The following WBP1L variants were observed in gnomAD, a reference collection of about 807,000 sequenced individuals.
WBP1L encodes the protein WW domain binding protein 1-like.
Under a neutral mutation model 33.7 loss-of-function variants are expected in WBP1L, and 17 were observed. That is an observed-to-expected ratio of 0.50 (90% CI 0.34 to 0.76). WBP1L has a LOEUF of 0.76. Ranked by LOEUF, WBP1L falls within the 30% of genes least tolerant of loss-of-function variation. WBP1L has a pLI of 0.01. For synonymous variants in WBP1L, 173 were observed against 190.8 expected, an observed-to-expected ratio of 0.91 and a Z score of 0.77; for missense variants, 389 against 469.4, an observed-to-expected ratio of 0.83 and a Z score of 1.58.
At position 102,755,583 on chromosome 10, in the gene WBP1L, G is replaced by A. The variant is rs1842965425; in HGVS notation, c.90+11440G>A. 5.3e-5 allele frequency among the ~76,000 whole-genome samples: 8 copies of A among 151,222 alleles called. 1 individual carries two copies. Among genetic ancestry groups the A allele is most frequent in the Admixed American group, 5.3e-4 (8 of 15,182 alleles). The stretch of plus-strand genomic sequence containing the variant: ...ATTTTTGTATTTTTATTAGAGATCG[G>A]GATTTCACCATGTTGGCCAGGCTGG... On this transcript the variant is annotated intron_variant, in intron 1 of 3. Coordinates refer to ENST00000448841, the MANE Select transcript of WBP1L (RefSeq NM_001083913.2).
intron 2 of WBP1L, among the ~76,000 whole-genome samples, chr10:102,809,188 C>G (rs563693157): frequency 6.6e-6 from 1 of 152,104 alleles, no homozygotes; most frequent in Admixed American, 6.5e-5. Context: ...AGCAATTCTC[C>G]TGCCTCAGCC....
intron 2 of WBP1L, among the ~76,000 whole-genome samples, chr10:102,799,689 A>G (rs1042002744): frequency 6.6e-6 from 1 of 152,132 alleles, no homozygotes; most frequent in Non-Finnish European, 1.5e-5. Context: ...TTGGAAACAG[A>G]CTTCGGGTTT....
rs374761388 is a variant in WBP1L at position 102,812,993 on chromosome 10, G to A, written c.754G>A (p.Gly252Ser). 27 of 1,613,568 alleles carry A rather than the reference G, an allele frequency of 1.7e-5. No homozygotes were observed. In the African/African-American group the frequency reaches 2.7e-4, roughly 16 times the overall value. Residue 252 changes from glycine to serine, a missense_variant, in exon 4 of 4, where the codon GGC (glycine) becomes AGC (serine). Transcript: ENST00000448841. Reference protein sequence around the residue: ...ELLKDDSSEHGAPDSKEKTPG... With the variant: ...ELLKDDSSEHSAPDSKEKTPG... Reference sequence around the variant, plus strand: ...GCTGAAAGATGACAGCTCTGAACACGGCGCACCCGACAGCAAAGAGAAGAC... The same window carrying A: ...GCTGAAAGATGACAGCTCTGAACACAGCGCACCCGACAGCAAAGAGAAGAC...
At chr10:102,749,283 G>A (rs1303469110) in intron 1 of WBP1L, among the ~76,000 whole-genome samples, 1 of 152,078 alleles carries the variant, frequency 6.6e-6, no homozygotes, top group East Asian at 1.9e-4. Context: ...TTTAGAGACA[G>A]AATCTTGCTC....
At chr10:102,758,627 G>GATTGTAATAA (rs1480080191) in intron 1 of WBP1L, among the ~76,000 whole-genome samples, 2 of 152,202 alleles carry the variant, frequency 1.3e-5, no homozygotes, top group Non-Finnish European at 2.9e-5. Flanking sequence ...GGAGACGAGA[G>GATTGTAATAA]ATTGTAATAA....
chr10:102,755,125 T>C (rs1478521919), intron 1 of WBP1L, among the ~76,000 whole-genome samples: 6 of 151,912 alleles, frequency 3.9e-5, no homozygotes, highest in Non-Finnish European at 2.9e-5. Context: ...AATTTTTGTA[T>C]TTTAACTAGA....
chr10:102,804,591 T>A (rs761568585), intron 2 of WBP1L, among the ~76,000 whole-genome samples: 4 of 152,094 alleles, frequency 2.6e-5, no homozygotes, highest in Non-Finnish European at 1.5e-5. Flanking sequence ...TCCAAAATCC[T>A]AGTGACCTAA....
At position 102,768,366 on chromosome 10, in the gene WBP1L, T is replaced by TTTTTG. The variant is rs1462331766; in HGVS notation, c.90+24228_90+24232dup. 2.6e-4 allele frequency among the ~76,000 whole-genome samples: 5 copies of TTTTTG among 18,960 alleles called. No homozygotes were observed. In the East Asian group the frequency reaches 0.014, roughly 55 times the overall value. 12.4% of individuals were successfully genotyped at this position (18,960 alleles called of 152,430 possible). A position where few individuals can be genotyped will look rare whatever the true frequency, so the allele number is the denominator to read the frequency against. On this transcript the variant is annotated intron_variant, in intron 1 of 3. Transcript: ENST00000448841. ...TTGAGCCATTGCGCCTGGCATTAGTTTTTTGTTTTTTTTTTTTTTTTTTTT... is the reference window on the plus strand; with the variant it reads ...TTGAGCCATTGCGCCTGGCATTAGTTTTTTGTTTTGTTTTTTTTTTTTTTTTTTTT...
chr10:102,765,681 G>C (rs891481282), intron 1 of WBP1L, among the ~76,000 whole-genome samples: 1 of 152,194 alleles, frequency 6.6e-6, no homozygotes, highest in Admixed American at 6.5e-5. Context: ...GCTTACTTTA[G>C]AGGAGAAGGT....
chr10:102,812,568 T>C (rs939805829), intron 3 of WBP1L, 27 bp from the exon 4 acceptor site: 2 of 1,546,450 alleles, frequency 1.3e-6, no homozygotes, highest in African/African-American at 2.7e-5. Context: ...AGTGCAGTAA[T>C]TTCTCCTTCC....
intron 1 of WBP1L, among the ~76,000 whole-genome samples, chr10:102,776,842 T>G (rs1322590732): frequency 6.6e-6 from 1 of 152,076 alleles, no homozygotes; most frequent in Non-Finnish European, 1.5e-5. Context: ...GACTCTGTGT[T>G]GGGGGTGGGG....
At chr10:102,751,482 A>G (rs1434367388) in intron 1 of WBP1L, among the ~76,000 whole-genome samples, 1 of 147,978 alleles carries the variant, frequency 6.8e-6, no homozygotes, top group East Asian at 2.0e-4. Flanking sequence ...TAATTTTTGT[A>G]TTTTTTGTAG....
At chr10:102,788,649 T>C (rs910576163) in intron 1 of WBP1L, among the ~76,000 whole-genome samples, 5 of 152,200 alleles carry the variant, frequency 3.3e-5, no homozygotes, top group African/African-American at 1.2e-4. Context: ...ATCCTTTAGC[T>C]ACAGAGCATT....
chr10:102,800,117 A>G (rs1843634947), intron 2 of WBP1L, among the ~76,000 whole-genome samples: 1 of 152,184 alleles, frequency 6.6e-6, no homozygotes, highest in African/African-American at 2.4e-5. Context: ...ACTAGAGGAC[A>G]CACAGTGCCA....
intron 1 of WBP1L, among the ~76,000 whole-genome samples, chr10:102,747,794 T>C (rs1446170116): frequency 5.3e-5 from 8 of 152,150 alleles, no homozygotes; most frequent in Admixed American, 4.6e-4. Context: ...TCCCAGAGTG[T>C]TGGGATTACA....
intron 1 of WBP1L, among the ~76,000 whole-genome samples, chr10:102,796,411 G>A (rs778273414): frequency 1.3e-5 from 2 of 152,184 alleles, no homozygotes; most frequent in African/African-American, 2.4e-5. Context: ...TGTCCTCTCC[G>A]TGTGGCTTCA....
At chr10:102,805,012 G>C (rs1843710816) in intron 2 of WBP1L, among the ~76,000 whole-genome samples, 1 of 152,198 alleles carries the variant, frequency 6.6e-6, no homozygotes, top group Admixed American at 6.5e-5. Flanking sequence ...GCCAGGTGTG[G>C]TGGCTCATAC....
intron 3 of WBP1L, among the ~76,000 whole-genome samples, chr10:102,811,155 G>A (rs1843836915): frequency 6.6e-6 from 1 of 152,116 alleles, no homozygotes; most frequent in Admixed American, 6.6e-5. Context: ...ACCGGGCTCG[G>A]TGGCTCAGCA....
intron 1 of WBP1L, among the ~76,000 whole-genome samples, chr10:102,793,258 T>C (rs1843529008): frequency 6.6e-6 from 1 of 152,054 alleles, no homozygotes. Flanking sequence ...CTGAGCAACA[T>C]AGTGAGACCC....
Sources: gnomAD v4.1 joint callset for allele counts (sites outside exome capture counted in the v4.1 genomes callset) on GRCh38, gnomAD v4.1.1 for gene constraint, MANE v1.5 for transcripts, NCBI Gene and HGNC (gene_info 2026-07-23, HGNC 2026-07-21) for gene names.